Variants in GPR158 observed in about 807,000 individuals in gnomAD.
The protein encoded by GPR158 is G protein-coupled receptor 158.
A neutral mutation model predicts 78.2 loss-of-function variants in GPR158; 30 were observed. That is an observed-to-expected ratio of 0.38 (90% confidence interval 0.29 to 0.52). The LOEUF is 0.52. Ranked by LOEUF, GPR158 falls within the 20% of genes least tolerant of loss-of-function variation. The pLI is 0.83. For synonymous variants in GPR158, 581 were observed against 591.1 expected, an observed-to-expected ratio of 0.98 and a Z score of 0.25; for missense variants, 1,463 against 1,523.5, an observed-to-expected ratio of 0.96 and a Z score of 0.66.
rs142055698 is a variant in GPR158, at chr10:25,544,234, G to A, written c.1405-6742G>A. Among the ~76,000 whole-genome samples, 23 of 152,000 alleles carry A rather than the reference G, an allele frequency of 1.5e-4. No homozygotes were observed. The East Asian group carries it at 3.7e-3, about 24-fold the overall frequency. On this transcript the variant is annotated intron_variant, in intron 5 of 10. Coordinates refer to ENST00000376351, the MANE Select transcript of GPR158 (RefSeq NM_020752.3). ...CTGTGGCCAACAAATTCAATGCAAC[G>A]TCTTTATAACTATCACTGGCCCCTA...
At chr10:25,212,005 T>C (rs1411378541) in intron 1 of GPR158, among the ~76,000 whole-genome samples, 1 of 152,196 alleles carries the variant, frequency 6.6e-6, no homozygotes, top group Non-Finnish European at 1.5e-5. Context: ...ATTATTCTAC[T>C]TAAACTTAAG....
intron 5 of GPR158, among the ~76,000 whole-genome samples, chr10:25,501,316 T>C (rs1487006522): frequency 6.6e-6 from 1 of 152,198 alleles, no homozygotes; most frequent in East Asian, 1.9e-4. Context: ...TCAGCTTAAA[T>C]GCCACTTTCT....
At chr10:25,314,859 TGTC>T (rs1448399533) in intron 2 of GPR158, among the ~76,000 whole-genome samples, 5,456 of 87,328 alleles carry the variant, frequency 0.062, 424 homozygotes, top group African/African-American at 0.24. Flanking sequence ...ATACACACAC[TGTC>T]ATATATATAT....
intron 2 of GPR158, among the ~76,000 whole-genome samples, chr10:25,313,193 G>A (rs1323744984): frequency 7.1e-6 from 1 of 141,844 alleles, no homozygotes; most frequent in Non-Finnish European, 1.5e-5. Flanking sequence ...ATAGGATGCT[G>A]TCTCTAAGAC....
rs756757705 is a variant in GPR158 at position 25,601,197 on chromosome 10, T to G, written c.*1923T>G. The G allele has an allele frequency of 5.9e-5, 9 of 152,650 alleles. No homozygotes were observed. The highest frequency in any genetic ancestry group is 1.3e-4 in the Admixed American group (2 of 15,270). The allele number at this position is 152,650 out of a possible 1,614,324, so 9.5% of individuals were successfully genotyped here. A position where few individuals can be genotyped will look rare whatever the true frequency, so the allele number is the denominator to read the frequency against. On this transcript the variant is annotated 3_prime_UTR_variant, in exon 11 of 11. Transcript: ENST00000376351. ...CAAATTTTTCTCAGTGATTTTTTTA[T>G]TCAGGAGTAAGCAAGCACTTCACTG...
chr10:25,304,177 G>T (rs1451642035), intron 2 of GPR158, among the ~76,000 whole-genome samples: 1 of 151,866 alleles, frequency 6.6e-6, no homozygotes, highest in East Asian at 1.9e-4. Context: ...CTACTGTGTG[G>T]CAGACAGAGC....
intron 7 of GPR158, among the ~76,000 whole-genome samples, chr10:25,577,297 T>C (rs764353502): frequency 5.9e-5 from 9 of 152,150 alleles, no homozygotes; most frequent in Non-Finnish European, 1.0e-4. Context: ...AATTATTTCC[T>C]GGATCCTAAG....
At chr10:25,356,869 A>G (rs1193001194) in intron 2 of GPR158, among the ~76,000 whole-genome samples, 2 of 152,104 alleles carry the variant, frequency 1.3e-5, no homozygotes, top group African/African-American at 4.8e-5. Context: ...GGAATTGGGT[A>G]ACAGGCAGAG....
At chr10:25,318,013 G>T (rs560604490) in intron 2 of GPR158, among the ~76,000 whole-genome samples, 1 of 152,106 alleles carries the variant, frequency 6.6e-6, no homozygotes, top group Non-Finnish European at 1.5e-5. Context: ...GTGAGTCACC[G>T]TGCCTGGCCC....
At chr10:25,234,207 C>T (rs1045682355) in intron 2 of GPR158, among the ~76,000 whole-genome samples, 2 of 152,132 alleles carry the variant, frequency 1.3e-5, no homozygotes, top group Admixed American at 6.5e-5. Context: ...CTCTCTCTCT[C>T]TTCCTTACTT....
At chr10:25,516,858 T>C (rs1339089523) in intron 5 of GPR158, among the ~76,000 whole-genome samples, 2 of 126,506 alleles carry the variant, frequency 1.6e-5, no homozygotes. Context: ...ATGTGGGCTC[T>C]TTTTTGGTTC....
intron 2 of GPR158, among the ~76,000 whole-genome samples, chr10:25,386,841 A>G (rs149471951): frequency 1.0e-3 from 159 of 152,224 alleles, no homozygotes; most frequent in Middle Eastern, 3.4e-3. Context: ...GGATACATTT[A>G]TTAGTTCTAG....
At chr10:25,372,952 A>G (rs1288493551) in intron 2 of GPR158, among the ~76,000 whole-genome samples, 1 of 152,030 alleles carries the variant, frequency 6.6e-6, no homozygotes, top group African/African-American at 2.4e-5. Context: ...ATTACTCGGT[A>G]TATACCCAAA....
intron 5 of GPR158, among the ~76,000 whole-genome samples, chr10:25,486,038 G>A (rs3005193): frequency 0.45 from 68,072 of 151,940 alleles, 16,294 homozygotes; most frequent in East Asian, 0.8. Flanking sequence ...GTGAGCCCTT[G>A]TCAGACACCA....
rs182100111 is a variant in GPR158, at chr10:25,502,758, C to T, written c.1404+36039C>T. 3.9e-5 allele frequency among the ~76,000 whole-genome samples: 6 copies of T among 152,248 alleles called. No homozygotes were observed. In the East Asian group the frequency reaches 1.2e-3, roughly 29 times the overall value. On this transcript the variant is annotated intron_variant, in intron 5 of 10. Coordinates refer to ENST00000376351, the MANE Select transcript of GPR158 (RefSeq NM_020752.3). Reference sequence around the variant, plus strand: ...CTGAGGTACATTTGCAGCTTCTCTTCCCTGCATGTGTACCTTTCACATATA... The same window carrying T: ...CTGAGGTACATTTGCAGCTTCTCTTTCCTGCATGTGTACCTTTCACATATA...
chr10:25,353,609 C>T (rs1855505686), intron 2 of GPR158, among the ~76,000 whole-genome samples: 1 of 151,946 alleles, frequency 6.6e-6, no homozygotes, highest in Admixed American at 6.6e-5. Flanking sequence ...GGATCTTCTC[C>T]CCTGCTACTA....
At chr10:25,353,922 T>G (rs1340142128) in intron 2 of GPR158, among the ~76,000 whole-genome samples, 2 of 152,108 alleles carry the variant, frequency 1.3e-5, no homozygotes, top group Non-Finnish European at 2.9e-5. Flanking sequence ...TCCTTTTTAT[T>G]GTCTTCTTTT....
At chr10:25,453,221 T>C (rs1835245567) in intron 4 of GPR158, among the ~76,000 whole-genome samples, 2 of 152,218 alleles carry the variant, frequency 1.3e-5, no homozygotes, top group Non-Finnish European at 2.9e-5. Flanking sequence ...ACTGATTTCA[T>C]TTCCTTTGAA....
intron 4 of GPR158, among the ~76,000 whole-genome samples, chr10:25,415,924 G>A (rs954929142): frequency 3.3e-5 from 5 of 151,912 alleles, no homozygotes; most frequent in African/African-American, 9.7e-5. Context: ...ATTAGATTAT[G>A]GTAATAGTTG....
Sources: gnomAD v4.1 joint callset for allele counts (sites outside exome capture counted in the v4.1 genomes callset) on GRCh38, gnomAD v4.1.1 for gene constraint, MANE v1.5 for transcripts, NCBI Gene and HGNC (gene_info 2026-07-23, HGNC 2026-07-21) for gene names.